Variants in MYO5A observed in about 807,000 individuals in gnomAD.
MYO5A encodes the protein unconventional myosin-Va.
MYO5A carries 98 observed loss-of-function variants against 249.7 expected under a neutral mutation model. The observed-to-expected ratio is 0.39, with a 90% CI of 0.33 to 0.46. MYO5A has a LOEUF of 0.46. Among genes scored for constraint, MYO5A ranks in the 20% least tolerant of loss-of-function variants. The probability of loss-of-function intolerance (pLI) is 0.98; values close to 1 mark genes in which losing one functional copy is unlikely to be tolerated. For synonymous variants in MYO5A, 778 were observed against 810.6 expected, an observed-to-expected ratio of 0.96 and a Z score of 0.68; for missense variants, 1,696 against 2,308.8, an observed-to-expected ratio of 0.73 and a Z score of 5.44.
chr15:52,324,382 G>A (rs536064186), intron 36 of MYO5A, among the ~76,000 whole-genome samples: 1 of 152,236 alleles, frequency 6.6e-6, no homozygotes, highest in South Asian at 2.1e-4. Context: ...GGGCTTCATG[G>A]CAGACATACT....
At chr15:52,483,018 T>G (rs766310853) in intron 1 of MYO5A, among the ~76,000 whole-genome samples, 1 of 152,100 alleles carries the variant, frequency 6.6e-6, no homozygotes, top group Admixed American at 6.5e-5. Context: ...CTAAGTCACA[T>G]AGAGGAAAAA....
chr15:52,434,957 C>A (rs1014107570), intron 1 of MYO5A, among the ~76,000 whole-genome samples: 6 of 152,116 alleles, frequency 3.9e-5, no homozygotes, highest in African/African-American at 1.4e-4. Flanking sequence ...AATCAGGGTA[C>A]TAATTTACTT....
chr15:52,420,961 C>T (rs1200596028), intron 4 of MYO5A, among the ~76,000 whole-genome samples: 3 of 152,148 alleles, frequency 2.0e-5, no homozygotes, highest in African/African-American at 7.2e-5. Context: ...ACTTTCCTCA[C>T]CTGTAAAGCA....
Position 52,340,217 on chromosome 15 carries a change from G to A in MYO5A, c.4218C>T (p.Thr1406=). 1 of 1,614,144 alleles carries A rather than the reference G, an allele frequency of 6.2e-7. No individual in the cohort carries two copies. Among genetic ancestry groups the A allele is most frequent in the Non-Finnish European group, 8.5e-7 (1 of 1,180,014 alleles). ...TTACCAAGTTTTCGTTGGTCAGCCG[G>A]GTGATCTCGTGCTGCAGGCTGGCCT... The part of the protein sequence containing the change: ...RIEASLQHEI[T]RLTNENLYFE... Residue 1406 remains threonine, a synonymous_variant, in exon 32 of 42, where the codon ACC becomes ACT. Coordinates refer to ENST00000399233, the MANE Select transcript of MYO5A (RefSeq NM_001382347.1).
intron 9 of MYO5A, among the ~76,000 whole-genome samples, chr15:52,400,966 A>G (rs532407050): frequency 1.3e-5 from 2 of 151,990 alleles, no homozygotes; most frequent in Non-Finnish European, 2.9e-5. Flanking sequence ...TTCTTCTTGC[A>G]TCTTAGATCT....
intron 9 of MYO5A, among the ~76,000 whole-genome samples, chr15:52,400,103 T>G (rs2042681621): frequency 6.6e-6 from 1 of 152,190 alleles, no homozygotes; most frequent in Non-Finnish European, 1.5e-5. Context: ...CTATCTTATT[T>G]TGTTCTTTTG....
rs545485328 is a variant in MYO5A, at chr15:52,396,522, C to T, written c.1320-125G>A. ...CCCCAACATTGTAAAACTTTCTTTC[C>T]ATATCAGTGAAAATAAAGATTTCTA... is the stretch of plus-strand genomic sequence containing the variant. On this transcript the variant is annotated intron_variant, in intron 10 of 41. Transcript: ENST00000399233. The T allele has an allele frequency of 1.5e-4, 96 of 639,872 alleles. 3 individuals are homozygous for T. Among genetic ancestry groups the T allele is most frequent in the African/African-American group, 2.9e-4 (16 of 54,282 alleles). The allele number at this position is 639,872 out of a possible 1,614,324, so 39.6% of individuals were successfully genotyped here. A position where few individuals can be genotyped will look rare whatever the true frequency, so the allele number is the denominator to read the frequency against.
At chr15:52,525,774 T>C (rs1172093036) in intron 1 of MYO5A, among the ~76,000 whole-genome samples, 2 of 152,230 alleles carry the variant, frequency 1.3e-5, no homozygotes, top group Admixed American at 6.5e-5. Flanking sequence ...ATCTCTGGAA[T>C]CAGCCCAACC....
chr15:52,501,181 CAGGAT>C (rs1037028881), intron 1 of MYO5A, among the ~76,000 whole-genome samples: 1 of 151,980 alleles, frequency 6.6e-6, no homozygotes, highest in Admixed American at 6.5e-5. Flanking sequence ...CCTTGTTAGC[CAGGAT>C]GGTCTCCATC....
intron 1 of MYO5A, among the ~76,000 whole-genome samples, chr15:52,441,445 G>C (rs2075784516): frequency 6.6e-6 from 1 of 152,080 alleles, no homozygotes; most frequent in African/African-American, 2.4e-5. Flanking sequence ...GAAGGCCCTT[G>C]ATGGAATATA....
At chr15:52,402,348 G>A (rs971468320) in intron 9 of MYO5A, among the ~76,000 whole-genome samples, 1 of 152,052 alleles carries the variant, frequency 6.6e-6, no homozygotes, top group South Asian at 2.1e-4. Flanking sequence ...AGTGGGTGGT[G>A]GGCAAATTGA....
chr15:52,341,455 T>C (rs1015721343), intron 31 of MYO5A, among the ~76,000 whole-genome samples: 2 of 152,238 alleles, frequency 1.3e-5, no homozygotes, highest in South Asian at 4.1e-4. Flanking sequence ...AGACCAGGCA[T>C]TGGCAGTGAG....
At chr15:52,328,390 T>C (rs2038711061) in intron 35 of MYO5A, among the ~76,000 whole-genome samples, 1 of 152,234 alleles carries the variant, frequency 6.6e-6, no homozygotes. Context: ...AGTCTTCCAG[T>C]ATCCTAGATT....
intron 32 of MYO5A, 24 bp downstream of exon 32, chr15:52,340,172 T>C (rs776738679): frequency 2.5e-6 from 4 of 1,613,518 alleles, no homozygotes; most frequent in South Asian, 1.1e-5. Flanking sequence ...TTAAGAAGCA[T>C]GTGGACCCGG....
At chr15:52,345,863 C>T (rs550518217) in intron 30 of MYO5A, among the ~76,000 whole-genome samples, 2 of 152,270 alleles carry the variant, frequency 1.3e-5, no homozygotes, top group East Asian at 1.9e-4. Context: ...AAGGGGAATT[C>T]CAGATATGAG....
At chr15:52,444,663 A>G (rs189495800) in intron 1 of MYO5A, among the ~76,000 whole-genome samples, 3 of 152,320 alleles carry the variant, frequency 2.0e-5, no homozygotes, top group Non-Finnish European at 2.9e-5. Context: ...TGCTCAACTA[A>G]GCAAAACAAC....
rs547613733 is a variant in MYO5A at position 52,472,742 on chromosome 15, G to A, written c.28-39457C>T. 5.2e-4 allele frequency among the ~76,000 whole-genome samples: 79 copies of A among 152,134 alleles called. No homozygotes were observed. In the East Asian group the frequency reaches 9.5e-3, roughly 18 times the overall value. On this transcript the variant is annotated intron_variant, in intron 1 of 41. Transcript: ENST00000399233. ...TGAACTCATCCTTTTTTATGGCTAC[G>A]TAGTATTCCATGGTATACATGTGCC... is the stretch of plus-strand genomic sequence containing the variant.
At chr15:52,476,488 C>T (rs1284772459) in intron 1 of MYO5A, among the ~76,000 whole-genome samples, 14 of 152,188 alleles carry the variant, frequency 9.2e-5, no homozygotes, top group Admixed American at 3.3e-4. Context: ...TTCCTAGCAT[C>T]GATGGTCTTT....
Position 52,398,984 on chromosome 15 carries a change from G to A in MYO5A, c.1054-1518C>T, listed in dbSNP as rs191597825. Among the ~76,000 whole-genome samples, 325 of 141,372 alleles carry A rather than the reference G, an allele frequency of 2.3e-3. 1 individual carries two copies. The highest frequency in any genetic ancestry group is 8.4e-3 in the African/African-American group (309 of 36,792). 92.7% of individuals were successfully genotyped at this position (141,372 alleles called of 152,430 possible). ...AGCCTGGGTGACAGAGCGAGACTCC[G>A]TCTCAAAAAAAAAAATTTTTTTCTT... On this transcript the variant is annotated intron_variant, in intron 9 of 41. Transcript: ENST00000399233.
Sources: gnomAD v4.1 joint callset for allele counts (sites outside exome capture counted in the v4.1 genomes callset) on GRCh38, gnomAD v4.1.1 for gene constraint, MANE v1.5 for transcripts, NCBI Gene and HGNC (gene_info 2026-07-23, HGNC 2026-07-21) for gene names.